The following SNAP29 variants were observed in gnomAD, a reference collection of about 807,000 sequenced individuals.
The protein encoded by SNAP29 is synaptosome associated protein 29, also known as synaptosomal-associated protein 29.
In SNAP29, 13 loss-of-function variants were observed where a neutral mutation model predicts 27.9. The observed-to-expected ratio is 0.47, with a 90% CI of 0.30 to 0.74. SNAP29 has a LOEUF of 0.74. SNAP29 is among the 30% of genes least tolerant of loss of function. SNAP29 has a pLI of 0.06. For missense variants in SNAP29, 368 were observed against 336.5 expected (o/e 1.09, Z -0.73); for synonymous variants, 119 against 127.1 (o/e 0.94, Z 0.43).
At chr22:20,878,679 G>A (rs971602697) in intron 2 of SNAP29, among the ~76,000 whole-genome samples, 6 of 152,146 alleles carry the variant, frequency 3.9e-5, no homozygotes, top group Non-Finnish European at 5.9e-5. Flanking sequence ...TGGGAGTAGC[G>A]CTGTGCAGGG....
At chr22:20,873,410 A>C (rs538436363) in intron 2 of SNAP29, among the ~76,000 whole-genome samples, 2 of 152,148 alleles carry the variant, frequency 1.3e-5, no homozygotes, top group African/African-American at 4.8e-5. Flanking sequence ...TAGTGTGGCC[A>C]CCACCCAGAT....
chr22:20,879,705 G>A (rs1417172341), intron 2 of SNAP29, among the ~76,000 whole-genome samples: 3 of 150,196 alleles, frequency 2.0e-5, no homozygotes, highest in Non-Finnish European at 4.4e-5. Context: ...AAATAGCCAG[G>A]TGTGGTGGGG....
chr22:20,869,509 G>T (rs1928535690), intron 1 of SNAP29, among the ~76,000 whole-genome samples: 1 of 152,194 alleles, frequency 6.6e-6, no homozygotes, highest in Non-Finnish European at 1.5e-5. Context: ...TTGTGGATGG[G>T]CTAGAGTCAG....
chr22:20,860,551 A>G (rs745743625), intron 1 of SNAP29, among the ~76,000 whole-genome samples: 1 of 151,486 alleles, frequency 6.6e-6, no homozygotes, highest in East Asian at 2.0e-4. Context: ...TTGTATTTGT[A>G]GTGGAGACAG....
chr22:20,870,705 G>A (rs1300701020), intron 2 of SNAP29, 172 bp downstream of exon 2: 1 of 688,156 alleles, frequency 1.5e-6, no homozygotes, highest in Non-Finnish European at 2.6e-6. Context: ...GTTCTTCCCT[G>A]ATCCCATGTT....
At chr22:20,885,246 C>T (rs1463466594) in intron 4 of SNAP29, among the ~76,000 whole-genome samples, 1 of 152,194 alleles carries the variant, frequency 6.6e-6, no homozygotes, top group Non-Finnish European at 1.5e-5. Context: ...CCCTGTCAGT[C>T]TCCCACCCCC....
intron 4 of SNAP29, among the ~76,000 whole-genome samples, chr22:20,886,126 T>A (rs113543516): frequency 0.07 from 10,381 of 147,718 alleles, 361 homozygotes; most frequent in East Asian, 0.08. Context: ...TTTTTTTTTT[T>A]AATTTTAATT....
At chr22:20,866,940 G>A (rs1928473883) in intron 1 of SNAP29, among the ~76,000 whole-genome samples, 1 of 152,154 alleles carries the variant, frequency 6.6e-6, no homozygotes, top group African/African-American at 2.4e-5. Context: ...CACGCGTGCA[G>A]TAGCTTTAGT....
At chr22:20,879,733 C>T (rs1249837632) in intron 2 of SNAP29, among the ~76,000 whole-genome samples, 1 of 150,802 alleles carries the variant, frequency 6.6e-6, no homozygotes, top group Non-Finnish European at 1.5e-5. Context: ...ATCCCAGCTA[C>T]TCAGGAGCCT....
Position 20,887,831 on chromosome 22 carries a change from C to A in SNAP29, c.772C>A (p.Leu258Ile). Residue 258 changes from leucine (L) to isoleucine (I), a missense_variant, in exon 5 of 5, where the codon CTC (leucine) becomes ATC (isoleucine). Coordinates refer to ENST00000215730, the MANE Select transcript of SNAP29 (RefSeq NM_004782.4). Reference protein sequence around the residue: ...IKSTERKVRQL With the variant: ...IKSTERKVRQI The stretch of plus-strand genomic sequence containing the variant: ...AAGCACAGAAAGAAAAGTTCGACAA[C>A]TCTGAAGACAGACGGATTTCCACTC... The A allele has an allele frequency of 6.2e-7, 1 of 1,613,970 alleles. No homozygotes were observed. The highest frequency in any genetic ancestry group is 8.5e-7 in the Non-Finnish European group (1 of 1,179,896).
In SNAP29 at chr22:20,879,913, C is replaced by T. The variant is rs941824337; in HGVS notation, c.435-1136C>T. 6.1e-4 allele frequency among the ~76,000 whole-genome samples: 92 copies of T among 149,966 alleles called. 1 individual carries two copies. The highest frequency in any genetic ancestry group is 3.5e-4 in the Non-Finnish European group (24 of 67,722). On this transcript the variant is annotated intron_variant, in intron 2 of 4. Transcript: ENST00000215730. Reference sequence around the variant, plus strand: ...GGTGAGTGCCTGTGGTCTCAGTTACCCAGGAGGCTGAGGTGGGAGGATCAC... The same window carrying T: ...GGTGAGTGCCTGTGGTCTCAGTTACTCAGGAGGCTGAGGTGGGAGGATCAC...
intron 2 of SNAP29, among the ~76,000 whole-genome samples, chr22:20,875,878 C>T (rs1384684730): frequency 1.3e-5 from 2 of 150,878 alleles, no homozygotes; most frequent in Non-Finnish European, 3.0e-5. Context: ...AATGGGGGGG[C>T]GGCTGGGTGC....
intron 2 of SNAP29, among the ~76,000 whole-genome samples, chr22:20,876,023 T>C (rs1418785319): frequency 4.0e-5 from 6 of 151,060 alleles, no homozygotes; most frequent in African/African-American, 1.5e-4. Context: ...TAGCCAGGGG[T>C]GATGGTGGGC....
Position 20,887,843 on chromosome 22 carries a change from A to G in SNAP29, c.*7A>G. 1 of 1,612,902 alleles carries G rather than the reference A, an allele frequency of 6.2e-7. No individual in the cohort carries two copies. The highest frequency in any genetic ancestry group is 8.5e-7 in the Non-Finnish European group (1 of 1,178,946). On this transcript the variant is annotated 3_prime_UTR_variant, in exon 5 of 5. Transcript: ENST00000215730. The stretch of plus-strand genomic sequence containing the variant: ...AAAAGTTCGACAACTCTGAAGACAG[A>G]CGGATTTCCACTCTATTGTGATGAA...
chr22:20,859,147 G>T lies in SNAP29; in HGVS notation c.37G>T (p.Asp13Tyr), dbSNP rs749686029. ...AYPKSYNPFD[D>Y]DGEDEGARPA... ...CCCTAAAAGCTACAATCCGTTCGACGACGACGGGGAGGACGAAGGCGCCCG... is the reference window on the plus strand; with the variant it reads ...CCCTAAAAGCTACAATCCGTTCGACTACGACGGGGAGGACGAAGGCGCCCG... Residue 13 changes from aspartate to tyrosine, a missense_variant, in exon 1 of 5, where the codon GAC becomes TAC. By Grantham distance (160) the Asp-to-Tyr change is radical (BLOSUM62 -3). Transcript: ENST00000215730. The T allele has an allele frequency of 1.3e-5, 21 of 1,607,868 alleles. 1 individual carries two copies. In the Middle Eastern group the frequency reaches 6.6e-4, roughly 50 times the overall value.
intron 2 of SNAP29, among the ~76,000 whole-genome samples, chr22:20,872,132 G>C (rs1027637628): frequency 6.6e-6 from 1 of 152,072 alleles, no homozygotes; most frequent in African/African-American, 2.4e-5. Context: ...CTTTTGGTTT[G>C]ATAGCCTTTT....
At chr22:20,861,124 T>TG (rs1334411233) in intron 1 of SNAP29, among the ~76,000 whole-genome samples, 2 of 150,074 alleles carry the variant, frequency 1.3e-5, no homozygotes, top group African/African-American at 4.9e-5. Flanking sequence ...TGTGGTTTTT[T>TG]TTTTTTTTTT....
rs1929064701 is a variant in SNAP29, at chr22:20,888,136, C to T, written c.*300C>T. 2 of 392,776 alleles carry T rather than the reference C, an allele frequency of 5.1e-6. No individual in the cohort carries two copies. Among genetic ancestry groups the T allele is most frequent in the Non-Finnish European group, 4.8e-6 (1 of 208,186 alleles). The allele number at this position is 392,776 out of a possible 1,614,324, so 24.3% of individuals were successfully genotyped here. A position where few individuals can be genotyped will look rare whatever the true frequency, so the allele number is the denominator to read the frequency against. On this transcript the variant is annotated 3_prime_UTR_variant, in exon 5 of 5. Transcript: ENST00000215730. ...TACCATGCTGGAATAAGAAGAGTTGCATTTCTCATTTTAATGAGCATATGG... is the reference window on the plus strand; with the variant it reads ...TACCATGCTGGAATAAGAAGAGTTGTATTTCTCATTTTAATGAGCATATGG...
At chr22:20,865,124 G>T (rs1928425978) in intron 1 of SNAP29, among the ~76,000 whole-genome samples, 1 of 152,320 alleles carries the variant, frequency 6.6e-6, no homozygotes, top group African/African-American at 2.4e-5. Flanking sequence ...GGAGGCTGAG[G>T]CAGGTGGATC....
Sources: allele counts gnomAD v4.1 joint callset (sites outside exome capture counted in the v4.1 genomes callset), GRCh38; gene constraint gnomAD v4.1.1; transcripts MANE v1.5; gene names NCBI Gene and HGNC (gene_info 2026-07-23, HGNC 2026-07-21).